The following SYMPK variants were observed in gnomAD, a reference collection of about 807,000 sequenced individuals.
The protein encoded by SYMPK is symplekin.
SYMPK carries 49 observed loss-of-function variants against 136.4 expected under a neutral mutation model. The observed-to-expected ratio is 0.36, with a 90% confidence interval of 0.29 to 0.46. The LOEUF is 0.46. Ranked by LOEUF, SYMPK falls within the 20% of genes least tolerant of loss-of-function variation. The pLI is 1.00. For missense variants in SYMPK, 1,365 were observed against 1,690.0 expected, an observed-to-expected ratio of 0.81 and a Z score of 3.37; for synonymous variants, 766 against 713.0, an observed-to-expected ratio of 1.07 and a Z score of -1.19.
intron 21 of SYMPK, among the ~76,000 whole-genome samples, chr19:45,822,026 C>T (rs1240130253): frequency 6.6e-6 from 1 of 152,006 alleles, no homozygotes; most frequent in Non-Finnish European, 1.5e-5. Flanking sequence ...CTGCGTGGAA[C>T]AGACATCCTC....
intron 19 of SYMPK, 27 bp from the exon 20 acceptor site, chr19:45,823,499 A>G: frequency 6.2e-7 from 1 of 1,607,672 alleles, no homozygotes; most frequent in South Asian, 1.1e-5. Flanking sequence ...GGAGGCACCA[A>G]GTTGGAGGCG....
intron 21 of SYMPK, 138 bp downstream of exon 21, chr19:45,822,618 T>C: frequency 1.5e-6 from 1 of 666,488 alleles, no homozygotes; most frequent in East Asian, 2.7e-5. Context: ...CCGGGACACA[T>C]GGAGATGTCC....
rs1568604450 is a variant in SYMPK, at chr19:45,815,974, GGCTTCCTCAGAC to G, written c.3552_3563del (p.Ser1185_Ala1188del). 4 of 1,610,238 alleles carry G rather than the reference GGCTTCCTCAGAC, an allele frequency of 2.5e-6. No homozygotes were observed. In the South Asian group the frequency reaches 4.4e-5, roughly 18 times the overall value. On this transcript the variant is annotated inframe_deletion, in exon 26 of 27. Transcript: ENST00000245934. ...CAGGCCCCTCCTCCCGGAAATCCAT[GGCTTCCTCAGAC>G]GGGGGCGGGCCTGGCCGGGCCGACG...
At chr19:45,826,521 C>T in intron 16 of SYMPK, 148 bp from the exon 17 acceptor site, 1 of 828,048 alleles carries the variant, frequency 1.2e-6, no homozygotes, top group South Asian at 1.6e-5. Context: ...GGCTGGTCCC[C>T]AGTGCAGGAG....
intron 7 of SYMPK, 134 bp from the exon 8 acceptor site, chr19:45,844,334 G>C: frequency 1.5e-6 from 1 of 660,810 alleles, no homozygotes; most frequent in African/African-American, 1.9e-5. Flanking sequence ...AACAGAAAAT[G>C]TGGTGGTTGA....
chr19:45,831,248 C>T lies in SYMPK; in HGVS notation c.1598+136G>A, dbSNP rs545768511. ...GCACTGACTCGGGAGTCAGAGAGAA[C>T]CTATTCCAGACTTCCTTCTGTCTGC... On this transcript the variant is annotated intron_variant, in intron 12 of 26. Transcript: ENST00000245934. 1.8e-4 allele frequency: 105 copies of T among 571,314 alleles called. No homozygotes were observed. The African/African-American group carries it at 1.9e-3, about 11-fold the overall frequency. 35.4% of individuals were successfully genotyped at this position (571,314 alleles called of 1,614,324 possible). A position where few individuals can be genotyped will look rare whatever the true frequency, so the allele number is the denominator to read the frequency against.
At chr19:45,817,415 C>CTTTTTTTTT (rs1568605953) in intron 23 of SYMPK, among the ~76,000 whole-genome samples, 4 of 100,192 alleles carry the variant, frequency 4.0e-5, no homozygotes, top group African/African-American at 1.6e-4. Flanking sequence ...TTTTTTTGTT[C>CTTTTTTTTT]TCTTTTTTTT....
chr19:45,829,199 T>A lies in SYMPK; in HGVS notation c.1756A>T (p.Ile586Leu). ...GTCACCAGGCTGGCCAGGATCTTTATGCGGACCTGGTGGGAGGGTGAGCCA... is the reference window on the plus strand; with the variant it reads ...GTCACCAGGCTGGCCAGGATCTTTAAGCGGACCTGGTGGGAGGGTGAGCCA... ...VACSGAAQVRIKILASLVTQF... is the reference protein window; with the variant it reads ...VACSGAAQVRLKILASLVTQF... Residue 586 changes from isoleucine to leucine, a missense_variant, in exon 14 of 27, where the codon ATA becomes TTA. Coordinates refer to ENST00000245934, the MANE Select transcript of SYMPK (RefSeq NM_004819.3). 3 of 1,613,038 alleles carry A rather than the reference T, an allele frequency of 1.9e-6. No homozygotes were observed. The highest frequency in any genetic ancestry group is 2.5e-6 in the Non-Finnish European group (3 of 1,179,158).
intron 9 of SYMPK, among the ~76,000 whole-genome samples, chr19:45,840,312 CAAAAAA>C (rs546768442): frequency 1.7e-5 from 1 of 57,146 alleles, no homozygotes; most frequent in Admixed American, 2.3e-4. Flanking sequence ...GAGACTGTCT[CAAAAAA>C]AAAAAAAAAA....
intron 5 of SYMPK, 107 bp downstream of exon 5, chr19:45,852,205 C>T: frequency 8.8e-7 from 1 of 1,141,126 alleles, no homozygotes; most frequent in South Asian, 1.2e-5. Flanking sequence ...GAGAAAGGGT[C>T]TGGGAAGCAG....
At chr19:45,816,761 G>C in intron 24 of SYMPK, 37 bp downstream of exon 24, 1 of 1,500,630 alleles carries the variant, frequency 6.7e-7, no homozygotes, top group Non-Finnish European at 8.9e-7. Flanking sequence ...CACACCCTGG[G>C]TGGGGGGAAA....
intron 23 of SYMPK, among the ~76,000 whole-genome samples, chr19:45,817,403 G>C: frequency 6.9e-6 from 1 of 145,286 alleles, no homozygotes; most frequent in Admixed American, 6.9e-5. Context: ...TGCGGGGTTT[G>C]GTTTTTTTGT....
chr19:45,839,555 C>T (rs1032530410), intron 9 of SYMPK, among the ~76,000 whole-genome samples: 3 of 152,052 alleles, frequency 2.0e-5, no homozygotes, highest in Admixed American at 6.6e-5. Context: ...ATGTTAAAAC[C>T]ACTGGGTGAG....
chr19:45,834,048 G>GAGGC (rs770500794), intron 11 of SYMPK, among the ~76,000 whole-genome samples: 1 of 152,192 alleles, frequency 6.6e-6, no homozygotes, highest in Admixed American at 6.5e-5. Flanking sequence ...AGCACTTTGG[G>GAGGC]AGGCCAAGGC....
chr19:45,823,334 C>T (rs754557697), intron 20 of SYMPK, 38 bp downstream of exon 20: 8 of 1,600,658 alleles, frequency 5.0e-6, no homozygotes, highest in South Asian at 1.1e-5. Context: ...TCCCACATGT[C>T]CCAGGTAGCA....
At chr19:45,820,718 G>A (rs748442521) in intron 22 of SYMPK, 7 of 160,690 alleles carry the variant, frequency 4.4e-5, no homozygotes, top group African/African-American at 1.7e-4. Flanking sequence ...ACCCAGGTCC[G>A]TTTCACTTCA....
Position 45,815,687 on chromosome 19 carries a change from G to T in SYMPK, c.3698C>A (p.Ala1233Glu). Residue 1233 changes from alanine to glutamate, a missense_variant, in exon 27 of 27, where the codon GCG (alanine) becomes GAG (glutamate). Physicochemically the swap from Ala to Glu is moderately radical, Grantham distance 107. Around this residue, in one of 11 missense-constraint regions of SYMPK, gnomAD observed 341 missense variants for 270.5 expected, o/e 1.26. Transcript: ENST00000245934. Reference sequence around the variant, plus strand: ...CTCCTCCTTCAAGGTCAGCCCGCCCGCTGCCGTCTCCTGGTGACCGGGGAA... The same window carrying T: ...CTCCTCCTTCAAGGTCAGCCCGCCCTCTGCCGTCTCCTGGTGACCGGGGAA... ...LEGPLPKETA[A>E]GGLTLKEERS... 6.2e-7 allele frequency: 1 copy of T among 1,609,240 alleles called. No homozygotes were observed. The highest frequency in any genetic ancestry group is 8.5e-7 in the Non-Finnish European group (1 of 1,178,558).
At chr19:45,824,091 C>T in intron 18 of SYMPK, 1 of 509,760 alleles carries the variant, frequency 2.0e-6, no homozygotes, top group South Asian at 2.1e-5. Flanking sequence ...GCTCCAGCTC[C>T]CAGCCCTGGC....
intron 1 of SYMPK, among the ~76,000 whole-genome samples, chr19:45,857,773 G>A (rs1971867563): frequency 6.6e-6 from 1 of 150,596 alleles, no homozygotes; most frequent in Non-Finnish European, 1.5e-5. Context: ...TTACAGGCGT[G>A]AGCCACCGCA....
Sources: gnomAD v4.1 joint callset for allele counts (sites outside exome capture counted in the v4.1 genomes callset) on GRCh38, gnomAD v4.1.1 for gene constraint, gnomAD v4.1.1 regional missense constraint, MANE v1.5 for transcripts, NCBI Gene and HGNC (gene_info 2026-07-23, HGNC 2026-07-21) for gene names.